ST3GAL4: variants seen among roughly 807,000 people sequenced by gnomAD.
ST3GAL4 encodes CMP-N-acetylneuraminate-beta-galactosamide-alpha-2,3-sialyltransferase 4.
A neutral mutation model predicts 42.6 loss-of-function variants in ST3GAL4; 24 were observed. That is an observed-to-expected ratio of 0.56 (90% CI 0.41 to 0.79). The LOEUF is 0.79. Ranked by LOEUF, ST3GAL4 falls within the 30% of genes least tolerant of loss-of-function variation. The pLI is 0.00. For synonymous variants in ST3GAL4, 135 were observed against 163.2 expected (o/e 0.83, Z 1.32); for missense variants, 311 against 430.8 (o/e 0.72, Z 2.46).
At chr11:126,380,414 G>C (rs1203641259) in intron 1 of ST3GAL4, among the ~76,000 whole-genome samples, 1 of 152,166 alleles carries the variant, frequency 6.6e-6, no homozygotes, top group Non-Finnish European at 1.5e-5. Flanking sequence ...AGAGCCACCA[G>C]TAGAGTGGAT....
At chr11:126,356,198 C>T (rs1422060262) in intron 1 of ST3GAL4, 1 of 152,366 alleles carries the variant, frequency 6.6e-6, no homozygotes, top group Non-Finnish European at 1.5e-5. Context: ...CCCACAACTA[C>T]CCCGGTCAGG....
At chr11:126,413,453 A>G (rs1954618252) in intron 9 of ST3GAL4, 52 bp from the exon 10 acceptor site, 1 of 1,602,080 alleles carries the variant, frequency 6.2e-7, no homozygotes, top group Non-Finnish European at 8.5e-7. Flanking sequence ...GGCAGAGATG[A>G]TGGTGGGAGG....
rs1952283879 is a variant in ST3GAL4 at position 126,362,607 on chromosome 11, G to C, written c.-61+6765G>C. Among the ~76,000 whole-genome samples, 3 of 152,284 alleles carry C rather than the reference G, an allele frequency of 2.0e-5. No homozygotes were observed. In the South Asian group the frequency reaches 6.2e-4, roughly 32 times the overall value. ...TGCTTTTCTGGGATTCCAGGGTGGG[G>C]TCCAGAGACTGAAGAGGGTCTGCTT... On this transcript the variant is annotated intron_variant, in intron 1 of 10. Transcript: ENST00000444328.
At position 126,366,236 on chromosome 11, in the gene ST3GAL4, C is replaced by T. The variant is rs1259208980; in HGVS notation, c.-61+10394C>T. ...CCCAGTGGGCCTGGGGGAGGTAAAG[C>T]AGCAGCAGCTGCTGTAGCTGAGCCC... On this transcript the variant is annotated intron_variant, in intron 1 of 10. Coordinates refer to ENST00000444328, the MANE Select transcript of ST3GAL4 (RefSeq NM_001254757.2). This position sits in a 1 kb window ranked among gnomAD's most constrained non-coding sequence, Gnocchi z 4.2. 6.6e-6 allele frequency among the ~76,000 whole-genome samples: 1 copy of T among 152,124 alleles called. No homozygotes were observed. The highest frequency in any genetic ancestry group is 1.5e-5 in the Non-Finnish European group (1 of 68,016).
chr11:126,374,058 C>T (rs1952747554), intron 1 of ST3GAL4, among the ~76,000 whole-genome samples: 1 of 151,942 alleles, frequency 6.6e-6, no homozygotes, highest in African/African-American at 2.4e-5. Context: ...GGTAATACAG[C>T]AGCAAGCAAA....
rs369916697 is a variant in ST3GAL4 at position 126,413,466 on chromosome 11, C to G, written c.772-39C>G. On this transcript the variant is annotated intron_variant, in intron 9 of 10. Coordinates refer to ENST00000444328, the MANE Select transcript of ST3GAL4 (RefSeq NM_001254757.2). Reference sequence around the variant, plus strand: ...CTGGCAGAGATGATGGTGGGAGGAGCAGGGCTCCCACTAACACCCTCCTGC... The same window carrying G: ...CTGGCAGAGATGATGGTGGGAGGAGGAGGGCTCCCACTAACACCCTCCTGC... 15 of 1,608,134 alleles carry G rather than the reference C, an allele frequency of 9.3e-6. No individual in the cohort carries two copies. The African/African-American group carries it at 1.9e-4, about 20-fold the overall frequency.
At chr11:126,402,570 C>A (rs118178578) in intron 1 of ST3GAL4, among the ~76,000 whole-genome samples, 2 of 152,284 alleles carry the variant, frequency 1.3e-5, no homozygotes, top group East Asian at 3.9e-4. Context: ...TCTTCCCAGA[C>A]CCCTTCCCCG....
intron 4 of ST3GAL4, 41 bp from the exon 5 acceptor site, chr11:126,407,211 A>G (rs1406447431): frequency 6.2e-7 from 1 of 1,601,008 alleles, no homozygotes; most frequent in African/African-American, 1.3e-5. Flanking sequence ...CATCAAGATT[A>G]ATTCTGTTCT....
chr11:126,369,590 T>G (rs1252017504), intron 1 of ST3GAL4, among the ~76,000 whole-genome samples: 1 of 152,208 alleles, frequency 6.6e-6, no homozygotes, highest in Non-Finnish European at 1.5e-5. Flanking sequence ...GTGGAAAACC[T>G]GAGACCCGGA....
chr11:126,378,100 A>G lies in ST3GAL4; in HGVS notation c.-61+22258A>G, dbSNP rs1005267166. ...AATGACTCTAAGGATTTGTATGGCA[A>G]TTGAAGAGTCATATCTAGTCATTTT... On this transcript the variant is annotated intron_variant, in intron 1 of 10. Coordinates refer to ENST00000444328, the MANE Select transcript of ST3GAL4 (RefSeq NM_001254757.2). The surrounding 1 kb of genome is among the most constrained non-coding windows in gnomAD (Gnocchi z 5.3). Among the ~76,000 whole-genome samples, 10 of 152,208 alleles carry G rather than the reference A, an allele frequency of 6.6e-5. No homozygotes were observed. The highest frequency in any genetic ancestry group is 1.3e-4 in the Non-Finnish European group (9 of 68,030).
chr11:126,408,078 C>T, intron 6 of ST3GAL4, 21 bp from the exon 7 acceptor site: 3 of 1,611,966 alleles, frequency 1.9e-6, no homozygotes, highest in Non-Finnish European at 1.7e-6. Context: ...GTGACATAGA[C>T]CACTCCTCTT....
At position 126,388,660 on chromosome 11, in the gene ST3GAL4, GTTT is replaced by G. The variant is rs10599019; in HGVS notation, c.-60-17417_-60-17415del. 8.7e-3 allele frequency among the ~76,000 whole-genome samples: 688 copies of G among 79,286 alleles called. 8 individuals carry two copies. Among genetic ancestry groups the G allele is most frequent in the African/African-American group, 0.032 (587 of 18,476 alleles). 52.0% of individuals were successfully genotyped at this position (79,286 alleles called of 152,430 possible). On this transcript the variant is annotated intron_variant, in intron 1 of 10. Transcript: ENST00000444328. ...TGCCTATTTTTAAATTAGGTTTCTTGTTTTTTTTTTTTTTTTTTTTTCTGATTT... is the reference window on the plus strand; with the variant it reads ...TGCCTATTTTTAAATTAGGTTTCTTGTTTTTTTTTTTTTTTTTTCTGATTT...
chr11:126,407,334 G>T lies in ST3GAL4; in HGVS notation c.265G>T (p.Gly89Trp). 2 of 1,614,142 alleles carry T rather than the reference G, an allele frequency of 1.2e-6. No individual in the cohort carries two copies. The highest frequency in any genetic ancestry group is 1.7e-6 in the Non-Finnish European group (2 of 1,180,002). ...GCCATCTGCTTACGAGCTGCCCTAT[G>T]GGACCAAGGGGAGTGGTAAGTTCCT... ...KTPSAYELPYGTKGSEDLLLR... is the reference protein window; with the variant it reads ...KTPSAYELPYWTKGSEDLLLR... Residue 89 changes from glycine (G) to tryptophan (W), a missense_variant, in exon 5 of 11, where the codon GGG becomes TGG. Coordinates refer to ENST00000444328, the MANE Select transcript of ST3GAL4 (RefSeq NM_001254757.2).
At chr11:126,361,679 C>T (rs2135375129) in intron 1 of ST3GAL4, among the ~76,000 whole-genome samples, 1 of 152,114 alleles carries the variant, frequency 6.6e-6, no homozygotes, top group South Asian at 2.1e-4. Context: ...TGGGGTGACC[C>T]CAGCATGGAC....
rs779810291 is a variant in ST3GAL4 at position 126,408,005 on chromosome 11, AG to A, written c.342-92del. 31 of 1,387,068 alleles carry A rather than the reference AG, an allele frequency of 2.2e-5. No individual in the cohort carries two copies. In the South Asian group the frequency reaches 3.1e-4, roughly 14 times the overall value. 85.9% of individuals were successfully genotyped at this position (1,387,068 alleles called of 1,614,324 possible). ...TGGGGACCAGGGGCTGAGGGGGCCT[AG>A]GAAGTGGTCCTGAGATGGGCCCAGG... is the stretch of plus-strand genomic sequence containing the variant. On this transcript the variant is annotated intron_variant, in intron 6 of 10. Transcript: ENST00000444328.
intron 1 of ST3GAL4, chr11:126,403,451 T>C (rs1954096026): frequency 1.2e-5 from 12 of 985,416 alleles, no homozygotes; most frequent in Non-Finnish European, 1.4e-5. Context: ...TTTGTAGTGT[T>C]TCCCGCCCAG....
intron 1 of ST3GAL4, among the ~76,000 whole-genome samples, chr11:126,374,696 C>T (rs554877752): frequency 2.6e-5 from 4 of 152,160 alleles, no homozygotes; most frequent in Admixed American, 6.5e-5. Flanking sequence ...TGTCTCTGTG[C>T]GTCAGAGCAA....
rs1393952827 is a variant in ST3GAL4 at position 126,392,990 on chromosome 11, G to C, written c.-60-13106G>C. 1.4e-5 allele frequency among the ~76,000 whole-genome samples: 2 copies of C among 144,424 alleles called. No homozygotes were observed. Among genetic ancestry groups the C allele is most frequent in the Non-Finnish European group, 3.0e-5 (2 of 66,892 alleles). 94.7% of individuals were successfully genotyped at this position (144,424 alleles called of 152,430 possible). Reference sequence around the variant, plus strand: ...TTTTTTTTTTTTTTGAGACAGGCTAGAGTGCAGGGGGACGATCATAGCTTA... The same window carrying C: ...TTTTTTTTTTTTTTGAGACAGGCTACAGTGCAGGGGGACGATCATAGCTTA... On this transcript the variant is annotated intron_variant, in intron 1 of 10. Transcript: ENST00000444328. The surrounding 1 kb of genome is among the most constrained non-coding windows in gnomAD (Gnocchi z 5.8).
At position 126,389,424 on chromosome 11, in the gene ST3GAL4, A is replaced by G. The variant is rs75952076; in HGVS notation, c.-60-16672A>G. 6.6e-5 allele frequency among the ~76,000 whole-genome samples: 10 copies of G among 152,332 alleles called. No individual in the cohort carries two copies. In the East Asian group the frequency reaches 1.9e-3, roughly 29 times the overall value. ...TTATTCTTCCCCATCTCCCCAGAAT[A>G]TAATTATCACTTAAAGTTGGGTGTC... On this transcript the variant is annotated intron_variant, in intron 1 of 10. Transcript: ENST00000444328.
Sources: allele counts gnomAD v4.1 joint callset (sites outside exome capture counted in the v4.1 genomes callset), GRCh38; gene constraint gnomAD v4.1.1; non-coding constraint Gnocchi (gnomAD v3.1); transcripts MANE v1.5; gene names NCBI Gene and HGNC (gene_info 2026-07-23, HGNC 2026-07-21).